ABHD12: variants seen among roughly 807,000 people sequenced by gnomAD.
The protein encoded by ABHD12 is lysophosphatidylserine lipase ABHD12.
A neutral mutation model predicts 58.3 loss-of-function variants in ABHD12; 43 were observed. The ratio of observed to expected loss-of-function variants is 0.74; its 90% CI spans 0.58 to 0.95. ABHD12 has a LOEUF of 0.95. Ranked by LOEUF, ABHD12 falls within the 40% of genes least tolerant of loss-of-function variation. The pLI is 0.00. For synonymous variants in ABHD12, 219 were observed against 211.2 expected (o/e 1.04, Z -0.32); for missense variants, 539 against 537.2 (o/e 1.00, Z -0.03).
intron 6 of ABHD12, among the ~76,000 whole-genome samples, 181 bp downstream of exon 6, chr20:25,314,744 T>A (rs1477533472): frequency 4.0e-5 from 6 of 150,666 alleles, no homozygotes; most frequent in Non-Finnish European, 8.8e-5. Flanking sequence ...GAGCCTCCCC[T>A]ACCAGAAGGG....
At position 25,390,799 on chromosome 20, in the gene ABHD12, A is replaced by C; in HGVS notation, c.-96T>G. The C allele has an allele frequency of 1.2e-6, 1 of 837,720 alleles. No individual in the cohort carries two copies. The highest frequency in any genetic ancestry group is 1.8e-5 in the African/African-American group (1 of 54,658). The allele number at this position is 837,720 out of a possible 1,614,324, so 51.9% of individuals were successfully genotyped here. A position where few individuals can be genotyped will look rare whatever the true frequency, so the allele number is the denominator to read the frequency against. On this transcript the variant is annotated 5_prime_UTR_variant, in exon 1 of 13. Transcript: ENST00000339157. ...CCGCCACCCAGAGCCCGGAGCCCGG[A>C]ACCCGCCGCTCCTCACATCCCAGCC...
downstream of ABHD12, chr20:25,300,172 G>A: frequency 2.0e-6 from 2 of 989,158 alleles, no homozygotes; most frequent in Non-Finnish European, 2.4e-6. Context: ...GGGGCATGGA[G>A]GAGGCAACAT....
chr20:25,365,835 GGC>G (rs1408014640), intron 1 of ABHD12, among the ~76,000 whole-genome samples: 1 of 152,082 alleles, frequency 6.6e-6, no homozygotes, highest in Non-Finnish European at 1.5e-5. Flanking sequence ...GATTGCTTGA[GGC>G]CAGGAGTTCA....
chr20:25,330,045 G>A (rs1349934069), intron 2 of ABHD12, among the ~76,000 whole-genome samples: 3 of 152,246 alleles, frequency 2.0e-5, no homozygotes, highest in African/African-American at 7.2e-5. Context: ...ATTTCCATCT[G>A]AGGTACCAGG....
At chr20:25,321,418 T>C (rs2089064184) in intron 3 of ABHD12, among the ~76,000 whole-genome samples, 1 of 152,120 alleles carries the variant, frequency 6.6e-6, no homozygotes, top group Middle Eastern at 3.2e-3. Context: ...AGGAAGCTGG[T>C]GGGAGGGTCT....
chr20:25,377,949 G>GC (rs1323399275), intron 1 of ABHD12, among the ~76,000 whole-genome samples: 1 of 152,194 alleles, frequency 6.6e-6, no homozygotes, highest in Non-Finnish European at 1.5e-5. Flanking sequence ...GCCCACCTCA[G>GC]CCTCCCAAAG....
downstream of ABHD12, chr20:25,296,262 C>A: frequency 7.1e-7 from 1 of 1,399,970 alleles, no homozygotes; most frequent in Non-Finnish European, 1.0e-6. Context: ...CGGATGGCCC[C>A]AAGGCTCGGA....
intron 1 of ABHD12, among the ~76,000 whole-genome samples, chr20:25,349,047 G>A (rs1382783999): frequency 6.8e-6 from 1 of 147,160 alleles, no homozygotes; most frequent in Non-Finnish European, 1.5e-5. Context: ...TCGCGCCACT[G>A]CACTCCAGCC....
intron 1 of ABHD12, 118 bp downstream of exon 1, chr20:25,390,395 G>T: frequency 9.5e-7 from 1 of 1,049,478 alleles, no homozygotes; most frequent in Non-Finnish European, 1.2e-6. Flanking sequence ...GGCGGCCGCG[G>T]ATCGGGCGGA....
At chr20:25,310,581 A>C (rs1341599668) in intron 6 of ABHD12, 1 of 152,640 alleles carries the variant, frequency 6.6e-6, no homozygotes, top group East Asian at 1.9e-4. Context: ...TAGAGGAGGG[A>C]GGAGGCCATG....
chr20:25,372,532 C>T (rs188162584), intron 1 of ABHD12, among the ~76,000 whole-genome samples: 1,536 of 152,228 alleles, frequency 0.01, 14 homozygotes, highest in Non-Finnish European at 0.016. Flanking sequence ...TATCTGAAAA[C>T]TTCACTATTT....
intron 2 of ABHD12, among the ~76,000 whole-genome samples, chr20:25,332,429 T>C (rs1033615740): frequency 1.3e-5 from 2 of 151,218 alleles, no homozygotes; most frequent in African/African-American, 2.4e-5. Context: ...TACCCAGGAA[T>C]TGAACTCAGC....
Position 25,309,471 on chromosome 20 carries a change from T to C in ABHD12, c.724A>G (p.Ile242Val). 1 of 1,614,192 alleles carries C rather than the reference T, an allele frequency of 6.2e-7. No homozygotes were observed. The highest frequency in any genetic ancestry group is 8.5e-7 in the Non-Finnish European group (1 of 1,180,030). Residue 242 changes from isoleucine to valine, a missense_variant, in exon 7 of 13, where the codon ATC becomes GTC. Ile to Val is a conservative substitution (Grantham distance 29). Coordinates refer to ENST00000339157, the MANE Select transcript of ABHD12 (RefSeq NM_001042472.3). ...KARSGDNPVY[I>V]WGHSLGTGVA... ...CCAGTGCCCAGAGAGTGGCCCCAGA[T>C]GTACACGGGGTTGTCACCACTTCTT...
intron 2 of ABHD12, among the ~76,000 whole-genome samples, chr20:25,336,587 T>G (rs1262806073): frequency 3.9e-5 from 6 of 152,142 alleles, no homozygotes; most frequent in East Asian, 1.9e-4. Flanking sequence ...CCCAACAAAA[T>G]TCCAAATCAC....
chr20:25,330,984 GAGA>G (rs1192050495), intron 2 of ABHD12, among the ~76,000 whole-genome samples: 1 of 152,242 alleles, frequency 6.6e-6, no homozygotes, highest in African/African-American at 2.4e-5. Flanking sequence ...GACTAGCTGA[GAGA>G]AGAAGGCTTC....
chr20:25,365,751 T>A (rs1253191163), intron 1 of ABHD12, among the ~76,000 whole-genome samples: 1 of 152,220 alleles, frequency 6.6e-6, no homozygotes, highest in East Asian at 1.9e-4. Context: ...TGACTTTCAT[T>A]AATTAATAAA....
Position 25,359,237 on chromosome 20 carries a change from C to T in ABHD12, c.192-19886G>A, listed in dbSNP as rs1222940217. ...GAGATCGAGACCATCCTGGCTAACA[C>T]GGTGAAACCCCGTCTCTACTAAAAA... On this transcript the variant is annotated intron_variant, in intron 1 of 12. Coordinates refer to ENST00000339157, the MANE Select transcript of ABHD12 (RefSeq NM_001042472.3). Among the ~76,000 whole-genome samples, 4 of 150,936 alleles carry T rather than the reference C, an allele frequency of 2.7e-5. No individual in the cohort carries two copies. In the East Asian group the frequency reaches 5.9e-4, roughly 22 times the overall value.
downstream of ABHD12, chr20:25,296,458 G>C (rs758339184): frequency 1.8e-5 from 29 of 1,613,924 alleles, no homozygotes; most frequent in Non-Finnish European, 2.5e-5. Flanking sequence ...GAGTATGCAC[G>C]GGAGATCTGG....
chr20:25,356,078 T>C (rs926414483), intron 1 of ABHD12, among the ~76,000 whole-genome samples: 1 of 152,216 alleles, frequency 6.6e-6, no homozygotes, highest in Non-Finnish European at 1.5e-5. Context: ...TGATGAAGCC[T>C]GTTTCTATTG....
Sources: allele counts gnomAD v4.1 joint callset (sites outside exome capture counted in the v4.1 genomes callset), GRCh38; gene constraint gnomAD v4.1.1; transcripts MANE v1.5; gene names NCBI Gene and HGNC (gene_info 2026-07-23, HGNC 2026-07-21).